RALGAPB: variants seen among roughly 807,000 people sequenced by gnomAD.
RALGAPB encodes the protein ral GTPase-activating protein subunit beta.
In RALGAPB, 25 loss-of-function variants were observed where a neutral mutation model predicts 161.1. That is an observed-to-expected ratio of 0.16 (90% CI 0.11 to 0.22). The LOEUF (loss-of-function observed/expected upper bound fraction) is 0.22. Ranked by LOEUF, RALGAPB falls within the 10% of genes least tolerant of loss-of-function variation. The pLI is 1.00. For synonymous variants in RALGAPB, 629 were observed against 626.1 expected (o/e 1.00, Z -0.07); for missense variants, 1,391 against 1,815.2 (o/e 0.77, Z 4.25).
At chr20:38,480,178 C>T (rs988993751) in intron 1 of RALGAPB, among the ~76,000 whole-genome samples, 6 of 151,652 alleles carry the variant, frequency 4.0e-5, no homozygotes, top group African/African-American at 1.5e-4. Context: ...TCATTTTCTG[C>T]CTCCAGTTTT....
At chr20:38,530,732 G>T (rs937431377) in intron 13 of RALGAPB, among the ~76,000 whole-genome samples, 4 of 151,514 alleles carry the variant, frequency 2.6e-5, no homozygotes, top group African/African-American at 9.7e-5. Context: ...GAGTAGCTGA[G>T]ATTACAGGCG....
intron 13 of RALGAPB, 85 bp from the exon 14 acceptor site, chr20:38,531,082 C>A: frequency 1.7e-6 from 2 of 1,152,310 alleles, no homozygotes; most frequent in Non-Finnish European, 2.6e-6. Context: ...ATATTCTTAT[C>A]TGTACTATTA....
chr20:38,489,576 G>A (rs564475312), intron 2 of RALGAPB, among the ~76,000 whole-genome samples: 5 of 152,288 alleles, frequency 3.3e-5, no homozygotes, highest in African/African-American at 1.2e-4. Flanking sequence ...TAAGATGCAG[G>A]ATTAAAACTT....
intron 2 of RALGAPB, among the ~76,000 whole-genome samples, 168 bp downstream of exon 2, chr20:38,488,786 A>C (rs2085193166): frequency 6.6e-6 from 1 of 152,026 alleles, no homozygotes; most frequent in Admixed American, 6.6e-5. Context: ...CTCAATTTTG[A>C]TCTTGTTTGA....
chr20:38,474,623 A>C (rs1046825306), intron 1 of RALGAPB, among the ~76,000 whole-genome samples: 7 of 152,120 alleles, frequency 4.6e-5, no homozygotes, highest in Non-Finnish European at 1.0e-4. Context: ...AGCTTTAAGC[A>C]TTCCCTTCAA....
intron 27 of RALGAPB, 66 bp downstream of exon 27, chr20:38,570,062 A>G: frequency 3.7e-6 from 5 of 1,348,096 alleles, no homozygotes; most frequent in Non-Finnish European, 5.3e-6. Context: ...CTAAATGTCT[A>G]CAGGGAGTGG....
intron 19 of RALGAPB, chr20:38,547,611 T>C (rs377646821): frequency 6.6e-6 from 1 of 152,362 alleles, no homozygotes; most frequent in East Asian, 1.9e-4. Flanking sequence ...CATAAATCCA[T>C]GAAGTGAAAG....
intron 3 of RALGAPB, among the ~76,000 whole-genome samples, chr20:38,496,772 G>A (rs985526520): frequency 2.0e-5 from 3 of 152,160 alleles, no homozygotes; most frequent in African/African-American, 7.2e-5. Flanking sequence ...TAAAATTAGA[G>A]CAGCAGTAGC....
In RALGAPB at chr20:38,516,379, T is replaced by C. The variant is rs762104503; in HGVS notation, c.1051+9T>C. On this transcript the variant is annotated intron_variant, in intron 7 of 29. Transcript: ENST00000262879. ...GGTGGATGCATTCTTAGGTGAATTT[T>C]GTGTATGTTGCTAGATGTATGAAGA... 13 of 1,610,870 alleles carry C rather than the reference T, an allele frequency of 8.1e-6. No homozygotes were observed. In the South Asian group the frequency reaches 1.3e-4, roughly 16 times the overall value.
intron 18 of RALGAPB, among the ~76,000 whole-genome samples, chr20:38,545,665 C>T (rs986810928): frequency 4.4e-4 from 67 of 152,276 alleles, no homozygotes; most frequent in African/African-American, 1.5e-3. Context: ...CCTCCTAAAA[C>T]GAAGACTGTC....
Position 38,526,027 on chromosome 20 carries a change from A to G in RALGAPB, c.2035A>G (p.Thr679Ala), listed in dbSNP as rs1314342966. 9 of 1,613,726 alleles carry G rather than the reference A, an allele frequency of 5.6e-6. No individual in the cohort carries two copies. The highest frequency in any genetic ancestry group is 7.6e-6 in the Non-Finnish European group (9 of 1,179,920). ...ALQTETDPNNTQMILGAMLNI... is the reference protein window; with the variant it reads ...ALQTETDPNNAQMILGAMLNI... ...GCAAACTGAAACGGACCCCAACAAC[A>G]CCCAAATGATATTAGGTTTGTATTC... Residue 679 changes from threonine to alanine, a missense_variant, in exon 13 of 30, where the codon ACC (threonine) becomes GCC (alanine). This residue lies in a region of RALGAPB where 946 missense variants were observed against 1,257.2 expected (regional missense o/e 0.75). Coordinates refer to ENST00000262879, the MANE Select transcript of RALGAPB (RefSeq NM_020336.4).
At position 38,574,716 on chromosome 20, in the gene RALGAPB, G is replaced by T; in HGVS notation, c.4292-58G>T. Reference sequence around the variant, plus strand: ...AGAATAGTTCACCTGAATACTTACAGTTCACCTACGTAAGTGACTAGTTTC... The same window carrying T: ...AGAATAGTTCACCTGAATACTTACATTTCACCTACGTAAGTGACTAGTTTC... On this transcript the variant is annotated intron_variant, in intron 29 of 29. Transcript: ENST00000262879. The T allele has an allele frequency of 2.7e-6, 4 of 1,474,970 alleles. No individual in the cohort carries two copies. The Admixed American group carries it at 6.8e-5, about 25-fold the overall frequency. 91.4% of individuals were successfully genotyped at this position (1,474,970 alleles called of 1,614,324 possible).
chr20:38,551,930 A>G (rs944405353), intron 21 of RALGAPB, among the ~76,000 whole-genome samples: 2 of 152,150 alleles, frequency 1.3e-5, no homozygotes, highest in African/African-American at 4.8e-5. Context: ...AAGAAGGAAT[A>G]GAAAAAGTCC....
intron 1 of RALGAPB, among the ~76,000 whole-genome samples, chr20:38,475,718 G>A (rs1018819009): frequency 2.0e-5 from 3 of 150,776 alleles, no homozygotes; most frequent in African/African-American, 4.9e-5. Context: ...GGGTTCAAAC[G>A]ATTCTCCTGC....
chr20:38,505,391 G>A (rs2085732209), intron 5 of RALGAPB, among the ~76,000 whole-genome samples: 2 of 152,134 alleles, frequency 1.3e-5, no homozygotes, highest in African/African-American at 2.4e-5. Flanking sequence ...TAAAACTCAT[G>A]GACATAAAGA....
intron 10 of RALGAPB, among the ~76,000 whole-genome samples, chr20:38,522,515 A>C (rs1186416502): frequency 6.6e-6 from 1 of 152,158 alleles, no homozygotes; most frequent in East Asian, 1.9e-4. Flanking sequence ...AAATTAACTC[A>C]TAATGGCCTC....
At chr20:38,545,684 T>C (rs1311146027) in intron 18 of RALGAPB, among the ~76,000 whole-genome samples, 3 of 152,208 alleles carry the variant, frequency 2.0e-5, no homozygotes, top group African/African-American at 7.2e-5. Flanking sequence ...TCTCAGAACT[T>C]CAGGGACCAG....
intron 26 of RALGAPB, among the ~76,000 whole-genome samples, chr20:38,567,901 GGGA>G (rs1460695115): frequency 6.6e-6 from 1 of 152,104 alleles, no homozygotes; most frequent in African/African-American, 2.4e-5. Context: ...AGAGAATACG[GGGA>G]GGTTTTTACC....
rs1325029336 is a variant in RALGAPB, at chr20:38,513,557, C to T, written c.873-2635C>T. ...CCTAGCTACTCAGGAGGCTGAAGCACAGGGATTGCTTGAACCCGGGAGGCA... is the reference window on the plus strand; with the variant it reads ...CCTAGCTACTCAGGAGGCTGAAGCATAGGGATTGCTTGAACCCGGGAGGCA... On this transcript the variant is annotated intron_variant, in intron 6 of 29. Coordinates refer to ENST00000262879, the MANE Select transcript of RALGAPB (RefSeq NM_020336.4). Among the ~76,000 whole-genome samples, 38 of 149,782 alleles carry T rather than the reference C, an allele frequency of 2.5e-4. No individual in the cohort carries two copies. The Admixed American group carries it at 2.5e-3, about 10-fold the overall frequency.
Sources: gnomAD v4.1 joint callset for allele counts (sites outside exome capture counted in the v4.1 genomes callset) on GRCh38, gnomAD v4.1.1 for gene constraint, gnomAD v4.1.1 regional missense constraint, MANE v1.5 for transcripts, NCBI Gene and HGNC (gene_info 2026-07-23, HGNC 2026-07-21) for gene names.